The following CNTNAP2 variants were observed in gnomAD, a reference collection of about 807,000 sequenced individuals.
CNTNAP2 encodes contactin-associated protein-like 2.
In CNTNAP2, 98 loss-of-function variants were observed where a neutral mutation model predicts 155.2. The ratio of observed to expected loss-of-function variants is 0.63; its 90% CI spans 0.54 to 0.75. The LOEUF (loss-of-function observed/expected upper bound fraction) is 0.75, where lower values mean the gene tolerates loss of function less well. Among genes scored for constraint, CNTNAP2 ranks in the 30% least tolerant of loss-of-function variants. The probability of loss-of-function intolerance (pLI) is 0.00; values close to 1 mark genes in which losing one functional copy is unlikely to be tolerated. For synonymous variants in CNTNAP2, 651 were observed against 631.2 expected, an observed-to-expected ratio of 1.03 and a Z score of -0.47; for missense variants, 1,727 against 1,688.1, an observed-to-expected ratio of 1.02 and a Z score of -0.40.
intron 8 of CNTNAP2, among the ~76,000 whole-genome samples, chr7:147,299,107 G>A (rs1794892903): frequency 6.6e-6 from 1 of 152,046 alleles, no homozygotes; most frequent in African/African-American, 2.4e-5. Context: ...GCCGTCTGAA[G>A]AAGAATAGCA....
At chr7:147,167,888 T>A (rs1024736196) in intron 8 of CNTNAP2, among the ~76,000 whole-genome samples, 1 of 152,066 alleles carries the variant, frequency 6.6e-6, no homozygotes, top group Non-Finnish European at 1.5e-5. Context: ...CCATTTCTAC[T>A]CCTTTTCATT....
chr7:148,409,632 T>C (rs924283532), intron 23 of CNTNAP2, among the ~76,000 whole-genome samples, 161 bp downstream of exon 23: 3 of 151,838 alleles, frequency 2.0e-5, no homozygotes, highest in African/African-American at 4.8e-5. Flanking sequence ...ATATAGTAAA[T>C]ATAGCCGGGC....
chr7:146,323,875 CTT>C (rs1433184764), intron 1 of CNTNAP2, among the ~76,000 whole-genome samples: 1 of 152,128 alleles, frequency 6.6e-6, no homozygotes, highest in East Asian at 1.9e-4. Context: ...CCCTGTATCA[CTT>C]GACCCTAAGA....
intron 1 of CNTNAP2, among the ~76,000 whole-genome samples, chr7:146,655,748 T>G (rs995579134): frequency 2.6e-5 from 4 of 152,134 alleles, no homozygotes; most frequent in African/African-American, 9.7e-5. Context: ...TTTCTATTTA[T>G]CTGTGAAGTC....
At chr7:148,015,954 T>C (rs1417574726) in intron 15 of CNTNAP2, among the ~76,000 whole-genome samples, 1 of 152,224 alleles carries the variant, frequency 6.6e-6, no homozygotes, top group Non-Finnish European at 1.5e-5. Context: ...TCCAAATCCA[T>C]GGAATCAGAG....
At chr7:146,510,131 C>G (rs1431892840) in intron 1 of CNTNAP2, among the ~76,000 whole-genome samples, 1 of 152,198 alleles carries the variant, frequency 6.6e-6, no homozygotes, top group African/African-American at 2.4e-5. Context: ...CTCAAGGGAC[C>G]ACAGGCAGTT....
In CNTNAP2 at chr7:146,774,275, A is replaced by G. The variant is rs779436784; in HGVS notation, c.102A>G (p.Lys34=). 6.2e-7 allele frequency: 1 copy of G among 1,613,112 alleles called. No individual in the cohort carries two copies. The highest frequency in any genetic ancestry group is 1.3e-5 in the African/African-American group (1 of 74,912). The change falls in exon 2 of 24, where the codon AAA becomes AAG. Residue 34 remains lysine, a synonymous_variant. Coordinates refer to ENST00000361727, the MANE Select transcript of CNTNAP2 (RefSeq NM_014141.6). ...CTCTCTGTCTTTTGTTTTCAGAAAA[A>G]TGTGATGAGCCACTTGTCTCTGGAC... ...RAWTAPSTSQ[K]CDEPLVSGLP...
At chr7:148,209,769 A>T (rs1473291367) in intron 18 of CNTNAP2, among the ~76,000 whole-genome samples, 1 of 152,164 alleles carries the variant, frequency 6.6e-6, no homozygotes, top group African/African-American at 2.4e-5. Context: ...ACCTTTCAGG[A>T]GTTACCCGTT....
chr7:147,496,476 T>C (rs1269670988), intron 11 of CNTNAP2: 1 of 152,218 alleles, frequency 6.6e-6, no homozygotes, highest in Non-Finnish European at 1.5e-5. Flanking sequence ...ATTTCTTTAC[T>C]GAAAGTGATA....
chr7:146,483,283 ATATATATATATATAT>A (rs1422981541), intron 1 of CNTNAP2, among the ~76,000 whole-genome samples: 26 of 62,728 alleles, frequency 4.1e-4, no homozygotes, highest in Non-Finnish European at 7.1e-4. Flanking sequence ...CTAAAAAAAA[ATATATATATATATAT>A]ATATATATAT....
intron 1 of CNTNAP2, among the ~76,000 whole-genome samples, chr7:146,305,220 C>A (rs563695647): frequency 6.6e-6 from 1 of 152,114 alleles, no homozygotes; most frequent in African/African-American, 2.4e-5. Flanking sequence ...TTCGTACATC[C>A]TTCTTTAGCT....
intron 14 of CNTNAP2, among the ~76,000 whole-genome samples, chr7:147,940,454 C>CG (rs1312273781): frequency 2.0e-5 from 3 of 151,918 alleles, no homozygotes; most frequent in Non-Finnish European, 4.4e-5. Flanking sequence ...ACGATCAATA[C>CG]AATCTTCAAA....
intron 1 of CNTNAP2, among the ~76,000 whole-genome samples, chr7:146,471,550 T>C: frequency 6.6e-6 from 1 of 152,230 alleles, no homozygotes. Flanking sequence ...CTCCTTTCTG[T>C]TCCATTTCCA....
chr7:146,682,411 A>G (rs1800521028), intron 1 of CNTNAP2, among the ~76,000 whole-genome samples: 1 of 152,180 alleles, frequency 6.6e-6, no homozygotes, highest in South Asian at 2.1e-4. Flanking sequence ...GGACCATGCT[A>G]TCAGGTTTTA....
intron 21 of CNTNAP2, among the ~76,000 whole-genome samples, chr7:148,283,613 T>C (rs1007031634): frequency 2.6e-5 from 4 of 152,176 alleles, no homozygotes; most frequent in African/African-American, 9.7e-5. Context: ...TCTTATACCA[T>C]AAACAAGTAT....
intron 1 of CNTNAP2, among the ~76,000 whole-genome samples, chr7:146,177,551 A>G (rs749669727): frequency 1.3e-5 from 2 of 152,208 alleles, no homozygotes; most frequent in Non-Finnish European, 2.9e-5. Flanking sequence ...TCCAGCTGTT[A>G]TACTATTACT....
At chr7:146,549,597 A>C (rs781685724) in intron 1 of CNTNAP2, among the ~76,000 whole-genome samples, 23 of 152,072 alleles carry the variant, frequency 1.5e-4, no homozygotes, top group Non-Finnish European at 2.4e-4. Context: ...CATAAGGGCT[A>C]TGACAAAAAT....
intron 13 of CNTNAP2, among the ~76,000 whole-genome samples, chr7:147,827,860 A>C (rs17825333): frequency 0.032 from 4,945 of 152,264 alleles, 133 homozygotes; most frequent in Non-Finnish European, 0.052. Context: ...TTATTTAATC[A>C]AAGATAAAGC....
chr7:146,759,681 C>CAAAAAAAAAA (rs376817827), intron 1 of CNTNAP2, among the ~76,000 whole-genome samples: 16 of 54,646 alleles, frequency 2.9e-4, no homozygotes, highest in African/African-American at 6.6e-4. Context: ...GTGAGACTGT[C>CAAAAAAAAAA]AAAAAAAAAA....
Sources: allele counts gnomAD v4.1 joint callset (sites outside exome capture counted in the v4.1 genomes callset), GRCh38; gene constraint gnomAD v4.1.1; transcripts MANE v1.5; gene names NCBI Gene and HGNC (gene_info 2026-07-23, HGNC 2026-07-21).